Variants in GRIN2B observed in about 807,000 individuals in gnomAD.
GRIN2B encodes the protein glutamate ionotropic receptor NMDA type subunit 2B.
GRIN2B carries 5 observed loss-of-function variants against 114.5 expected under a neutral mutation model. The observed-to-expected ratio is 0.04, with a 90% CI of 0.02 to 0.09. The LOEUF is 0.09. GRIN2B is among the 10% of genes least tolerant of loss of function. GRIN2B has a pLI of 1.00. For synonymous variants in GRIN2B, 787 were observed against 745.1 expected (o/e 1.06, Z -0.92); for missense variants, 1,108 against 1,943.5 (o/e 0.57, Z 8.08).
intron 4 of GRIN2B, among the ~76,000 whole-genome samples, chr12:13,728,535 C>T (rs906265794): frequency 2.0e-5 from 3 of 152,006 alleles, no homozygotes; most frequent in East Asian, 1.9e-4. Flanking sequence ...GCTTCAGAGA[C>T]GATTTTTAAG....
intron 2 of GRIN2B, among the ~76,000 whole-genome samples, chr12:13,969,492 T>C (rs1290829320): frequency 6.6e-6 from 1 of 152,216 alleles, no homozygotes; most frequent in Non-Finnish European, 1.5e-5. Context: ...TTGAGTAATG[T>C]GCATTAATAT....
intron 2 of GRIN2B, among the ~76,000 whole-genome samples, chr12:13,927,608 C>T (rs1056108248): frequency 7.3e-5 from 11 of 150,938 alleles, no homozygotes; most frequent in Non-Finnish European, 1.0e-4. Flanking sequence ...ATGGAACTAA[C>T]GATGTCCCAG....
rs201085200 is a variant in GRIN2B at position 13,564,448 on chromosome 12, G to A, written c.2790C>T (p.Ser930=). 5 of 1,614,188 alleles carry A rather than the reference G, an allele frequency of 3.1e-6. No homozygotes were observed. The Admixed American group carries it at 6.7e-5, about 22-fold the overall frequency. ...GGCGGTGCTCTGAGATGTCATAGAC[G>A]GATGACTCCCGTCGGATGAAGTCCA... ...SALDFIRRES[S]VYDISEHRRS... Residue 930 remains serine (S), a synonymous_variant, in exon 14 of 14, where the codon TCC becomes TCT. Coordinates refer to ENST00000609686, the MANE Select transcript of GRIN2B (RefSeq NM_000834.5). The surrounding 1 kb of genome is among the most constrained non-coding windows in gnomAD (Gnocchi z 4.8).
In GRIN2B at chr12:13,563,402, G is replaced by C. The variant is rs1295154929; in HGVS notation, c.3836C>G (p.Thr1279Ser). 6.2e-7 allele frequency: 1 copy of C among 1,614,102 alleles called. No homozygotes were observed. The highest frequency in any genetic ancestry group is 2.2e-5 in the East Asian group (1 of 44,898). The change falls in exon 14 of 14, where the codon ACT becomes AGT. Residue 1279 changes from threonine to serine, a missense_variant. Transcript: ENST00000609686. ...ATTAGTCGGGCTCTGAGGGTACTTAGTGGTGGAGGCGTTTGACGTCACCGC... is the reference window on the plus strand; with the variant it reads ...ATTAGTCGGGCTCTGAGGGTACTTACTGGTGGAGGCGTTTGACGTCACCGC... ...PVAVTSNAST[T>S]KYPQSPTNSK...
At chr12:13,947,816 C>T (rs1181551845) in intron 2 of GRIN2B, among the ~76,000 whole-genome samples, 2 of 152,156 alleles carry the variant, frequency 1.3e-5, no homozygotes, top group Non-Finnish European at 2.9e-5. Context: ...CAGTGCAAAG[C>T]TGAGGATGAG....
intron 4 of GRIN2B, among the ~76,000 whole-genome samples, chr12:13,703,648 T>A (rs1950331891): frequency 6.6e-6 from 1 of 152,194 alleles, no homozygotes; most frequent in African/African-American, 2.4e-5. Context: ...ATTGAATTAT[T>A]AACCAAAATT....
At position 13,806,371 on chromosome 12, in the gene GRIN2B, C is replaced by T. The variant is rs1178001606; in HGVS notation, c.412-52456G>A. ...GTGCAAGTTATGTTCTCATCCATCT[C>T]CCCATCAACACTTGTTATCTCTTGT... On this transcript the variant is annotated intron_variant, in intron 3 of 13. Transcript: ENST00000609686. 2.6e-5 allele frequency among the ~76,000 whole-genome samples: 4 copies of T among 152,130 alleles called. No individual in the cohort carries two copies. In the East Asian group the frequency reaches 5.8e-4, roughly 22 times the overall value.
rs1432419795 is a variant in GRIN2B at position 13,550,034 on chromosome 12, T to G, written c.*12749A>C. 6.6e-6 allele frequency: 1 copy of G among 152,220 alleles called. No individual in the cohort carries two copies. The highest frequency in any genetic ancestry group is 1.5e-5 in the Non-Finnish European group (1 of 68,026). 9.4% of individuals were successfully genotyped at this position (152,220 alleles called of 1,614,324 possible). On this transcript the variant is annotated 3_prime_UTR_variant, in exon 14 of 14. Transcript: ENST00000609686. ...GAGAGTTAGAAATTTGGACAAGTTT[T>G]GGTTCAGCCAAGTTTTGGTTCTGTC... is the stretch of plus-strand genomic sequence containing the variant.
chr12:13,748,475 C>T (rs1399386517), intron 4 of GRIN2B, among the ~76,000 whole-genome samples: 2 of 152,170 alleles, frequency 1.3e-5, no homozygotes, highest in East Asian at 3.9e-4. Context: ...CTCCTAATAA[C>T]TCACAATTTC....
At chr12:13,733,104 G>T (rs1055148346) in intron 4 of GRIN2B, among the ~76,000 whole-genome samples, 1 of 152,112 alleles carries the variant, frequency 6.6e-6, no homozygotes, top group African/African-American at 2.4e-5. Flanking sequence ...GGCCAGGAAA[G>T]AATAAAAAAT....
intron 3 of GRIN2B, among the ~76,000 whole-genome samples, chr12:13,763,732 G>C (rs1863724245): frequency 6.6e-6 from 1 of 152,178 alleles, no homozygotes; most frequent in Non-Finnish European, 1.5e-5. Context: ...CCCTGTGGCA[G>C]GCAACCCCAT....
chr12:13,614,133 C>CTTCACTCTGA (rs1416518562), intron 8 of GRIN2B, among the ~76,000 whole-genome samples: 7 of 151,540 alleles, frequency 4.6e-5, no homozygotes, highest in Admixed American at 3.9e-4. Context: ...CTGGAATTTG[C>CTTCACTCTGA]TTCACTCTGA....
intron 3 of GRIN2B, among the ~76,000 whole-genome samples, chr12:13,769,375 T>G (rs11614390): frequency 0.13 from 20,468 of 152,142 alleles, 1,517 homozygotes; most frequent in African/African-American, 0.15. Flanking sequence ...GTGGCTTTTT[T>G]TTGTCACACG....
At chr12:13,887,876 A>G (rs1866192493) in intron 2 of GRIN2B, among the ~76,000 whole-genome samples, 1 of 152,204 alleles carries the variant, frequency 6.6e-6, no homozygotes, top group Non-Finnish European at 1.5e-5. Context: ...TAAAATGGGA[A>G]GAAAACTGTG....
intron 10 of GRIN2B, among the ~76,000 whole-genome samples, chr12:13,604,735 G>A (rs1949214130): frequency 6.6e-6 from 1 of 152,156 alleles, no homozygotes; most frequent in African/African-American, 2.4e-5. Context: ...CTGTAAGTAA[G>A]TAAGACTATA....
At chr12:13,805,419 T>C (rs1469968641) in intron 3 of GRIN2B, among the ~76,000 whole-genome samples, 1 of 152,120 alleles carries the variant, frequency 6.6e-6, no homozygotes, top group Admixed American at 6.6e-5. Context: ...AACTACAAGA[T>C]GGTATTGTTC....
intron 10 of GRIN2B, among the ~76,000 whole-genome samples, chr12:13,580,311 C>G (rs1777951204): frequency 6.6e-6 from 1 of 152,224 alleles, no homozygotes; most frequent in Non-Finnish European, 1.5e-5. Context: ...CTCATTCAGT[C>G]TGTGTCCAAT....
rs1235682947 is a variant in GRIN2B at position 13,737,840 on chromosome 12, T to C, written c.1010+15477A>G. On this transcript the variant is annotated intron_variant, in intron 4 of 13. Transcript: ENST00000609686. ...GCATTTCTTTCTCCTCTTCTTCTTA[T>C]TCCTTTAGACAAACGTAAAGTTTCC... is the stretch of plus-strand genomic sequence containing the variant. 2.6e-5 allele frequency among the ~76,000 whole-genome samples: 4 copies of C among 152,244 alleles called. No individual in the cohort carries two copies. The East Asian group carries it at 5.8e-4, about 22-fold the overall frequency.
chr12:13,643,809 T>C (rs34841708), intron 5 of GRIN2B, among the ~76,000 whole-genome samples: 11,590 of 152,224 alleles, frequency 0.076, 467 homozygotes, highest in Non-Finnish European at 0.09. Flanking sequence ...GAAAACACTT[T>C]CTTTGCTCAT....
Sources: allele counts gnomAD v4.1 joint callset (sites outside exome capture counted in the v4.1 genomes callset), GRCh38; gene constraint gnomAD v4.1.1; non-coding constraint Gnocchi (gnomAD v3.1); transcripts MANE v1.5; gene names NCBI Gene and HGNC (gene_info 2026-07-23, HGNC 2026-07-21).